NKAIN3: variants seen among roughly 807,000 people sequenced by gnomAD.
The protein encoded by NKAIN3 is sodium/potassium transporting ATPase interacting 3.
A neutral mutation model predicts 30.2 loss-of-function variants in NKAIN3; 25 were observed. The ratio of observed to expected loss-of-function variants is 0.83; its 90% CI spans 0.60 to 1.16. NKAIN3 has a LOEUF of 1.16. Among genes scored for constraint, NKAIN3 ranks in the 50% most tolerant of loss-of-function variants. NKAIN3 has a pLI of 0.00. For synonymous variants in NKAIN3, 91 were observed against 89.6 expected (o/e 1.02, Z -0.09); for missense variants, 225 against 254.1 (o/e 0.89, Z 0.78).
At chr8:62,823,830 C>T (rs539723300) in intron 4 of NKAIN3, among the ~76,000 whole-genome samples, 9 of 152,122 alleles carry the variant, frequency 5.9e-5, no homozygotes, top group Non-Finnish European at 1.3e-4. Context: ...TAGTGTCATT[C>T]CAACCTTATT....
chr8:62,599,200 C>T (rs1192174521), intron 3 of NKAIN3, among the ~76,000 whole-genome samples: 5 of 152,070 alleles, frequency 3.3e-5, no homozygotes, highest in African/African-American at 4.8e-5. Flanking sequence ...TTTGTCTCAT[C>T]TGCCAGCCTG....
At chr8:62,985,137 G>A (rs1246260712), downstream of NKAIN3, among the ~76,000 whole-genome samples, 1 of 152,172 alleles carries the variant, frequency 6.6e-6, no homozygotes, top group Admixed American at 6.5e-5. Flanking sequence ...AGTGTACCCA[G>A]GTGATGCCAC....
intron 4 of NKAIN3, among the ~76,000 whole-genome samples, chr8:62,808,822 A>G (rs184052490): frequency 8.0e-4 from 122 of 152,298 alleles, no homozygotes; most frequent in Middle Eastern, 3.4e-3. Context: ...ATGCATTGTC[A>G]TTGATAACAT....
intron 1 of NKAIN3, among the ~76,000 whole-genome samples, chr8:62,405,470 G>A (rs1356212738): frequency 6.6e-6 from 1 of 152,192 alleles, no homozygotes; most frequent in Non-Finnish European, 1.5e-5. Flanking sequence ...CTCTAGCTAG[G>A]GCTGGCATAA....
At chr8:62,359,453 C>T (rs1816475682) in intron 1 of NKAIN3, among the ~76,000 whole-genome samples, 2 of 152,162 alleles carry the variant, frequency 1.3e-5, no homozygotes, top group South Asian at 4.1e-4. Context: ...CACAGGCTAA[C>T]CTGAGGATCA....
intron 4 of NKAIN3, among the ~76,000 whole-genome samples, chr8:62,795,040 C>G (rs1448920112): frequency 6.6e-6 from 1 of 152,098 alleles, no homozygotes; most frequent in East Asian, 1.9e-4. Context: ...CTCAGCATAT[C>G]AAAATCTGTA....
At chr8:62,313,561 GA>G (rs35649814) in intron 1 of NKAIN3, among the ~76,000 whole-genome samples, 1 of 152,090 alleles carries the variant, frequency 6.6e-6, no homozygotes, top group African/African-American at 2.4e-5. Context: ...CAGCAATTTT[GA>G]AAAAGCTATT....
At chr8:62,362,214 A>T (rs1816587556) in intron 1 of NKAIN3, among the ~76,000 whole-genome samples, 1 of 152,234 alleles carries the variant, frequency 6.6e-6, no homozygotes, top group African/African-American at 2.4e-5. Context: ...ATTCTCAAGT[A>T]ACAGTAAATG....
intron 4 of NKAIN3, among the ~76,000 whole-genome samples, chr8:62,800,946 G>A (rs1231488789): frequency 6.6e-6 from 1 of 152,182 alleles, no homozygotes; most frequent in Non-Finnish European, 1.5e-5. Context: ...CTTAAAAAAC[G>A]GTGCACCAAG....
At position 62,695,870 on chromosome 8, in the gene NKAIN3, T is replaced by C. The variant is rs143491883; in HGVS notation, c.274-51062T>C. On this transcript the variant is annotated intron_variant, in intron 3 of 6. Coordinates refer to ENST00000623646, the MANE Select transcript of NKAIN3 (RefSeq NM_001304533.3). ...CTCTGCCATTTGCTCTTCTCTCACA[T>C]TGGAGAGCATACAATAGGAAAATTT... 6.8e-4 allele frequency among the ~76,000 whole-genome samples: 104 copies of C among 152,290 alleles called. 1 individual carries two copies. The Middle Eastern group carries it at 0.01, about 15-fold the overall frequency.
chr8:62,697,239 C>A (rs942079901), intron 3 of NKAIN3, among the ~76,000 whole-genome samples: 1 of 152,164 alleles, frequency 6.6e-6, no homozygotes, highest in Non-Finnish European at 1.5e-5. Flanking sequence ...CTCTTCCCCA[C>A]CTCCCCACTA....
intron 4 of NKAIN3, among the ~76,000 whole-genome samples, chr8:62,870,180 G>C (rs1217815051): frequency 3.7e-5 from 2 of 53,778 alleles, no homozygotes; most frequent in Admixed American, 3.4e-4. Context: ...AATCCTGTGA[G>C]CCAAGTCTCC....
At chr8:62,942,357 CA>C (rs993959047) in intron 5 of NKAIN3, among the ~76,000 whole-genome samples, 13 of 149,662 alleles carry the variant, frequency 8.7e-5, no homozygotes, top group African/African-American at 3.2e-4. Flanking sequence ...AGGAAAACTG[CA>C]AAACATTGCT....
chr8:62,503,738 C>A (rs1807537751), intron 1 of NKAIN3, among the ~76,000 whole-genome samples: 1 of 152,078 alleles, frequency 6.6e-6, no homozygotes, highest in South Asian at 2.1e-4. Flanking sequence ...AGGCTCTCTG[C>A]AAGAAGAAAA....
At chr8:62,871,999 C>G (rs1314597606) in intron 4 of NKAIN3, among the ~76,000 whole-genome samples, 1 of 152,220 alleles carries the variant, frequency 6.6e-6, no homozygotes, top group Non-Finnish European at 1.5e-5. Context: ...AATGGTGGTT[C>G]CATGATATTA....
At chr8:62,597,419 T>C (rs1031219055) in intron 3 of NKAIN3, among the ~76,000 whole-genome samples, 3 of 152,096 alleles carry the variant, frequency 2.0e-5, no homozygotes, top group Non-Finnish European at 4.4e-5. Context: ...AAGAATAATT[T>C]TTTTATTTCT....
intron 1 of NKAIN3, among the ~76,000 whole-genome samples, chr8:62,297,045 A>G (rs1445063527): frequency 6.6e-6 from 1 of 152,112 alleles, no homozygotes; most frequent in East Asian, 1.9e-4. Context: ...TTTCTCTGCC[A>G]CCATGTTTTG....
At chr8:62,746,118 G>A (rs1816061132) in intron 3 of NKAIN3, among the ~76,000 whole-genome samples, 1 of 152,156 alleles carries the variant, frequency 6.6e-6, no homozygotes, top group Non-Finnish European at 1.5e-5. Flanking sequence ...GTCTTGGCAG[G>A]GCCAAACTCT....
In NKAIN3 at chr8:62,729,906, CAG is replaced by C. The variant is rs1815413744; in HGVS notation, c.274-17021_274-17020del. Among the ~76,000 whole-genome samples, 6 of 152,158 alleles carry C rather than the reference CAG, an allele frequency of 3.9e-5. No individual in the cohort carries two copies. In the South Asian group the frequency reaches 1.2e-3, roughly 31 times the overall value. ...ATGTGTGACAAAGCAAGGATAAATG[CAG>C]AGAGTTAAATTGCAGAATCATAGCA... On this transcript the variant is annotated intron_variant, in intron 3 of 6. Transcript: ENST00000623646.
Sources: gnomAD v4.1 joint callset for allele counts (sites outside exome capture counted in the v4.1 genomes callset) on GRCh38, gnomAD v4.1.1 for gene constraint, MANE v1.5 for transcripts, NCBI Gene and HGNC (gene_info 2026-07-23, HGNC 2026-07-21) for gene names.